Variants in ITGA11 observed in about 807,000 individuals in gnomAD.
The protein encoded by ITGA11 is integrin alpha-11.
Under a neutral mutation model 141.9 loss-of-function variants are expected in ITGA11, and 97 were observed. The ratio of observed to expected loss-of-function variants is 0.68; its 90% CI spans 0.58 to 0.81. The LOEUF (loss-of-function observed/expected upper bound fraction) is 0.81. ITGA11 is among the 30% of genes least tolerant of loss of function. ITGA11 has a pLI of 0.00. For missense variants in ITGA11, 1,387 were observed against 1,559.2 expected, an observed-to-expected ratio of 0.89 and a Z score of 1.86; for synonymous variants, 658 against 624.6, an observed-to-expected ratio of 1.05 and a Z score of -0.80.
intron 26 of ITGA11, among the ~76,000 whole-genome samples, chr15:68,310,161 T>C (rs1893332918): frequency 6.6e-6 from 1 of 152,232 alleles, no homozygotes; most frequent in East Asian, 1.9e-4. Context: ...CTATTTACCA[T>C]TGCCCTGGAG....
chr15:68,423,476 C>T (rs1897067159), intron 1 of ITGA11, among the ~76,000 whole-genome samples: 1 of 152,198 alleles, frequency 6.6e-6, no homozygotes, highest in Non-Finnish European at 1.5e-5. Context: ...GAAGCTCAGT[C>T]TCATTGGGGC....
Position 68,364,621 on chromosome 15 carries a change from C to T in ITGA11, c.357+86G>A, listed in dbSNP as rs182253457. On this transcript the variant is annotated intron_variant, in intron 4 of 29. Transcript: ENST00000315757. ...GGGGAGAGTGGGTGTACAGGATGGA[C>T]ATGAGGGTGTGTAAGGAGACGCTCC... 1.8e-3 allele frequency: 1,875 copies of T among 1,028,248 alleles called. 46 individuals carry two copies. The Admixed American group carries it at 0.03, about 17-fold the overall frequency. 63.7% of individuals were successfully genotyped at this position (1,028,248 alleles called of 1,614,324 possible).
intron 20 of ITGA11, among the ~76,000 whole-genome samples, chr15:68,319,669 T>C (rs1470144478): frequency 1.3e-5 from 2 of 152,216 alleles, no homozygotes; most frequent in African/African-American, 2.4e-5. Context: ...CAGGGTGCAC[T>C]GTTGGTAGAA....
intron 9 of ITGA11, 33 bp from the exon 10 acceptor site, chr15:68,348,933 A>G (rs749091122): frequency 9.6e-6 from 15 of 1,566,440 alleles, no homozygotes; most frequent in Middle Eastern, 1.7e-4. Flanking sequence ...TGTCAGCTCC[A>G]TGCCCAATCC....
chr15:68,377,397 C>T (rs996566457), intron 2 of ITGA11, among the ~76,000 whole-genome samples: 2 of 152,108 alleles, frequency 1.3e-5, no homozygotes, highest in South Asian at 2.1e-4. Flanking sequence ...CTCAGCCTCC[C>T]GAGTAGCTGG....
At chr15:68,424,448 G>A (rs16952041) in intron 1 of ITGA11, among the ~76,000 whole-genome samples, 6,237 of 152,168 alleles carry the variant, frequency 0.041, 431 homozygotes, top group African/African-American at 0.14. Flanking sequence ...TTGGATGCCC[G>A]TTAGAATTAT....
At chr15:68,352,064 C>G (rs963482767) in intron 7 of ITGA11, among the ~76,000 whole-genome samples, 13 of 143,228 alleles carry the variant, frequency 9.1e-5, no homozygotes, top group African/African-American at 3.3e-4. Flanking sequence ...GCCTGGGCGA[C>G]AGAGTGAGAC....
intron 22 of ITGA11, among the ~76,000 whole-genome samples, chr15:68,314,960 A>G (rs1420712399): frequency 6.6e-6 from 1 of 152,186 alleles, no homozygotes; most frequent in African/African-American, 2.4e-5. Flanking sequence ...GTCCTTCCCC[A>G]CACAGAGGTA....
Position 68,296,758 on chromosome 15 carries a change from A to G in ITGA11, c.*6301T>C, listed in dbSNP as rs1892918746. 1 of 151,626 alleles carries G rather than the reference A, an allele frequency of 6.6e-6. No individual in the cohort carries two copies. The allele number at this position is 151,626 out of a possible 1,614,324, so 9.4% of individuals were successfully genotyped here. A position where few individuals can be genotyped will look rare whatever the true frequency, so the allele number is the denominator to read the frequency against. On this transcript the variant is annotated 3_prime_UTR_variant, in exon 30 of 30. Coordinates refer to ENST00000315757, the MANE Select transcript of ITGA11 (RefSeq NM_001004439.2). ...TTTTTCTATAGTCAAATTTATCACA[A>G]TTTAAAAAAATGGATTCTGAGTTTT...
chr15:68,340,055 T>C (rs1894510406), intron 10 of ITGA11, among the ~76,000 whole-genome samples: 1 of 152,142 alleles, frequency 6.6e-6, no homozygotes, highest in Non-Finnish European at 1.5e-5. Context: ...AATATTTCTT[T>C]GCAGTGTCTG....
At position 68,335,908 on chromosome 15, in the gene ITGA11, G is replaced by C; in HGVS notation, c.1277-63C>G. 1.3e-6 allele frequency: 2 copies of C among 1,558,292 alleles called. No individual in the cohort carries two copies. The highest frequency in any genetic ancestry group is 1.7e-6 in the Non-Finnish European group (2 of 1,148,412). Reference sequence around the variant, plus strand: ...GTCCTCAGCAGGCGTTGCTTGGCCCGGTGCATGGCTTGGCAGTGCCAGAGG... The same window carrying C: ...GTCCTCAGCAGGCGTTGCTTGGCCCCGTGCATGGCTTGGCAGTGCCAGAGG... On this transcript the variant is annotated intron_variant, in intron 11 of 29. Transcript: ENST00000315757. This position sits in a 1 kb window ranked among gnomAD's most constrained non-coding sequence, Gnocchi z 4.9.
chr15:68,381,037 C>A (rs919384049), intron 2 of ITGA11, among the ~76,000 whole-genome samples: 1 of 152,180 alleles, frequency 6.6e-6, no homozygotes, highest in African/African-American at 2.4e-5. Context: ...GATTCAGGCA[C>A]TGAGGGCCAC....
chr15:68,354,056 C>G lies in ITGA11; in HGVS notation c.750-2654G>C, dbSNP rs78527048. Among the ~76,000 whole-genome samples the G allele has an allele frequency of 2.8e-3, 421 of 152,270 alleles. 4 individuals carry two copies. The highest frequency in any genetic ancestry group is 9.8e-3 in the African/African-American group (409 of 41,548). On this transcript the variant is annotated intron_variant, in intron 7 of 29. Transcript: ENST00000315757. The stretch of plus-strand genomic sequence containing the variant: ...ATCAAAGGTCATCCGTCAGGGAAGC[C>G]TTTCCCCACCACCCTGTGCATGCTG...
intron 1 of ITGA11, among the ~76,000 whole-genome samples, chr15:68,413,312 T>A (rs1351387182): frequency 6.6e-6 from 1 of 152,322 alleles, no homozygotes; most frequent in East Asian, 1.9e-4. Context: ...CCTCTCTTCA[T>A]ACTTATCTAT....
Position 68,396,629 on chromosome 15 carries a change from CTG to C in ITGA11, c.164+6287_164+6288del, listed in dbSNP as rs938271630. 2.0e-5 allele frequency among the ~76,000 whole-genome samples: 3 copies of C among 151,160 alleles called. No individual in the cohort carries two copies. In the Admixed American group the frequency reaches 2.0e-4, roughly 10 times the overall value. On this transcript the variant is annotated intron_variant, in intron 2 of 29. Transcript: ENST00000315757. ...GAAAATTGGAAAATAATAAACAAAA[CTG>C]TAATTATTTCAAATGATCTGATTGT...
rs1247022246 is a variant in ITGA11 at position 68,402,913 on chromosome 15, C to T, written c.164+5G>A. 1 of 1,607,030 alleles carries T rather than the reference C, an allele frequency of 6.2e-7. No individual in the cohort carries two copies. The highest frequency in any genetic ancestry group is 1.7e-5 in the Admixed American group (1 of 59,738). ...GGCTGGGTGTGGGCGGCCGCTCTCA[C>T]TCACCACTTATTGCCACTGATGTCG... is the stretch of plus-strand genomic sequence containing the variant. On this transcript the variant is annotated splice_donor_5th_base_variant and intron_variant, in intron 2 of 29. Transcript: ENST00000315757.
At chr15:68,332,174 C>A (rs1894192632) in intron 13 of ITGA11, 112 bp from the exon 14 acceptor site, 20 of 1,239,398 alleles carry the variant, frequency 1.6e-5, no homozygotes, top group Middle Eastern at 1.9e-4. Flanking sequence ...TTCCCCAGAA[C>A]CCCGTCTCTG....
chr15:68,361,839 T>C (rs1895253092), intron 4 of ITGA11, 135 bp from the exon 5 acceptor site: 1 of 628,038 alleles, frequency 1.6e-6, no homozygotes, highest in South Asian at 1.9e-5. Context: ...GTGAGGGATC[T>C]TCTTTGGGTC....
Position 68,307,577 on chromosome 15 carries a change from T to C in ITGA11, c.3285+9A>G, listed in dbSNP as rs1893241926. 1 of 1,600,732 alleles carries C rather than the reference T, an allele frequency of 6.2e-7. No individual in the cohort carries two copies. Among genetic ancestry groups the C allele is most frequent in the African/African-American group, 1.3e-5 (1 of 74,618 alleles). On this transcript the variant is annotated intron_variant, in intron 27 of 29. Coordinates refer to ENST00000315757, the MANE Select transcript of ITGA11 (RefSeq NM_001004439.2). This position sits in a 1 kb window ranked among gnomAD's most constrained non-coding sequence, Gnocchi z 6.1. ...CTTCCTTCCAGCCCAGCCCAGGGGCTCTACTTACTGCTTTTAGGGACCTCA... is the reference window on the plus strand; with the variant it reads ...CTTCCTTCCAGCCCAGCCCAGGGGCCCTACTTACTGCTTTTAGGGACCTCA...
Sources: gnomAD v4.1 joint callset for allele counts (sites outside exome capture counted in the v4.1 genomes callset) on GRCh38, gnomAD v4.1.1 for gene constraint, Gnocchi (gnomAD v3.1) non-coding constraint, MANE v1.5 for transcripts, NCBI Gene and HGNC (gene_info 2026-07-23, HGNC 2026-07-21) for gene names.